The following C19orf38 variants were observed in gnomAD, a reference collection of about 807,000 sequenced individuals.
C19orf38 encodes chromosome 19 open reading frame 38.
Under a neutral mutation model 26.6 loss-of-function variants are expected in C19orf38, and 14 were observed. The ratio of observed to expected loss-of-function variants is 0.53; its 90% CI spans 0.35 to 0.82. The LOEUF is 0.82. Among genes scored for constraint, C19orf38 ranks in the 40% least tolerant of loss-of-function variants. C19orf38 has a pLI of 0.01. For missense variants in C19orf38, 261 were observed against 299.5 expected (o/e 0.87, Z 0.95); for synonymous variants, 132 against 128.5 (o/e 1.03, Z -0.18).
chr19:10,859,365 TATATATATATATATATA>T (rs1568337590), intron 4 of C19orf38, among the ~76,000 whole-genome samples: 1 of 53,956 alleles, frequency 1.9e-5, no homozygotes, highest in African/African-American at 1.2e-4. Context: ...TATATATATA[TATATATATATATATATA>T]TATTTTTTTT....
chr19:10,863,078 C>T, intron 5 of C19orf38, 92 bp from the exon 6 acceptor site: 2 of 1,356,590 alleles, frequency 1.5e-6, no homozygotes, highest in Non-Finnish European at 2.1e-6. Flanking sequence ...CAATTGCTTC[C>T]CTGTGGGCTG....
intron 1 of C19orf38, 87 bp from the exon 2 acceptor site, chr19:10,850,172 G>A (rs2073554749): frequency 7.8e-7 from 1 of 1,279,136 alleles, no homozygotes. Flanking sequence ...AAGGCTGAGG[G>A]AGGGTGGTCT....
At chr19:10,840,937 G>T (rs1011649506) in intron 1 of C19orf38, among the ~76,000 whole-genome samples, 2 of 152,120 alleles carry the variant, frequency 1.3e-5, no homozygotes, top group African/African-American at 4.8e-5. Flanking sequence ...GACCGGCCCT[G>T]TTTTGTATTT....
At chr19:10,855,095 T>C (rs954559735) in intron 2 of C19orf38, among the ~76,000 whole-genome samples, 1 of 140,794 alleles carries the variant, frequency 7.1e-6, no homozygotes, top group African/African-American at 2.6e-5. Flanking sequence ...TGGAAGGCAA[T>C]GGCCCAATCT....
At chr19:10,851,974 C>CA (rs903489432) in intron 2 of C19orf38, among the ~76,000 whole-genome samples, 1,267 of 48,212 alleles carry the variant, frequency 0.026, 33 homozygotes, top group African/African-American at 0.068. Context: ...GACTCCGTCT[C>CA]AAAAAAAAAA....
chr19:10,850,576 C>A lies in C19orf38; in HGVS notation c.340+9C>A, dbSNP rs947720518. 2.0e-5 allele frequency: 31 copies of A among 1,551,074 alleles called. No individual in the cohort carries two copies. The African/African-American group carries it at 3.8e-4, about 19-fold the overall frequency. On this transcript the variant is annotated intron_variant, in intron 2 of 6. Coordinates refer to ENST00000397820, the MANE Select transcript of C19orf38 (RefSeq NM_001136482.3). ...GAACGTCTCCTTCCCAGGTAAGGCC[C>A]TTCTATGGGATCTCACTGCCGGGGG...
At position 10,841,740 on chromosome 19, in the gene C19orf38, A is replaced by G. The variant is rs911980750; in HGVS notation, c.-69+4970A>G. The G allele has an allele frequency of 2.2e-5, 15 of 685,994 alleles. No homozygotes were observed. The African/African-American group carries it at 2.5e-4, about 11-fold the overall frequency. 42.5% of individuals were successfully genotyped at this position (685,994 alleles called of 1,614,324 possible). ...GTAATCCCAGCATTTTGGGCGGCCA[A>G]GTTGGGAGGATCTCTTGAGCCCAGG... is the stretch of plus-strand genomic sequence containing the variant. On this transcript the variant is annotated intron_variant, in intron 1 of 7. Coordinates refer to the C19orf38 transcript ENST00000592854.
upstream of C19orf38, among the ~76,000 whole-genome samples, chr19:10,845,876 C>CAA (rs967662038): frequency 2.1e-4 from 15 of 72,518 alleles, no homozygotes; most frequent in African/African-American, 4.3e-4. Context: ...AAGACTCCGT[C>CAA]AAAAAAAAAA....
At chr19:10,844,601 A>G (rs2073502381), upstream of C19orf38, among the ~76,000 whole-genome samples, 2 of 151,938 alleles carry the variant, frequency 1.3e-5, no homozygotes, top group African/African-American at 2.4e-5. Flanking sequence ...TAATCCCAGC[A>G]CTTTGGGAGG....
chr19:10,841,210 G>C (rs566113819), intron 1 of C19orf38, among the ~76,000 whole-genome samples: 3 of 152,280 alleles, frequency 2.0e-5, no homozygotes, highest in African/African-American at 7.2e-5. Context: ...CCTCATGCTT[G>C]TAATCCCAGC....
chr19:10,840,110 A>G (rs573760727), intron 1 of C19orf38, among the ~76,000 whole-genome samples: 1 of 152,234 alleles, frequency 6.6e-6, no homozygotes, highest in East Asian at 1.9e-4. Context: ...GTTAACATGT[A>G]TGTATGTGTA....
intron 1 of C19orf38, among the ~76,000 whole-genome samples, chr19:10,838,640 G>T (rs116098853): frequency 7.2e-5 from 11 of 152,164 alleles, no homozygotes; most frequent in Admixed American, 2.0e-4. Flanking sequence ...AAAGAATGAG[G>T]TTGAGAACGA....
At position 10,836,932 on chromosome 19, in the gene C19orf38, A is replaced by G. The variant is rs546212127; in HGVS notation, c.-69+162A>G. Among the ~76,000 whole-genome samples, 231 of 152,294 alleles carry G rather than the reference A, an allele frequency of 1.5e-3. 1 individual carries two copies. Among genetic ancestry groups the G allele is most frequent in the Non-Finnish European group, 1.1e-3 (72 of 68,012 alleles). On this transcript the variant is annotated intron_variant, in intron 1 of 7. Transcript: ENST00000592854. The stretch of plus-strand genomic sequence containing the variant: ...TCTCAGACTCAAGGGCCAGCAGGTA[A>G]ATAGAGCCATTACAGTAGCCTCGGG...
At chr19:10,866,347 T>G (rs1360167472) in intron 6 of C19orf38, among the ~76,000 whole-genome samples, 1 of 149,514 alleles carries the variant, frequency 6.7e-6, no homozygotes, top group African/African-American at 2.5e-5. Flanking sequence ...AGCGCCAGCA[T>G]GCCCAGCTAA....
intron 4 of C19orf38, 147 bp downstream of exon 4, chr19:10,858,490 T>A: frequency 1.3e-6 from 1 of 749,134 alleles, no homozygotes; most frequent in Non-Finnish European, 2.2e-6. Flanking sequence ...ATTAAGTGCC[T>A]CCTGTGTGCT....
chr19:10,842,096 C>G (rs967316159), intron 1 of C19orf38: 1 of 1,585,486 alleles, frequency 6.3e-7, no homozygotes, highest in African/African-American at 1.3e-5. Context: ...AGCAGACTCC[C>G]GTAGGTAATG....
chr19:10,858,362 AC>A lies in C19orf38; in HGVS notation c.461+22del. ...AGAAAAGGTGAGATCATCCCTGGAG[AC>A]CCACAGAGGGTGGTTTGGGGAAAGA... On this transcript the variant is annotated intron_variant, in intron 4 of 6. Coordinates refer to ENST00000397820, the MANE Select transcript of C19orf38 (RefSeq NM_001136482.3). 1 of 1,544,682 alleles carries A rather than the reference AC, an allele frequency of 6.5e-7. No individual in the cohort carries two copies. The highest frequency in any genetic ancestry group is 8.8e-7 in the Non-Finnish European group (1 of 1,142,708).
intron 6 of C19orf38, 48 bp downstream of exon 6, chr19:10,863,255 C>T (rs753374323): frequency 4.9e-5 from 75 of 1,534,638 alleles, no homozygotes; most frequent in Middle Eastern, 1.7e-4. Context: ...ACCGTCCTAC[C>T]GGGAGAACGG....
chr19:10,849,987 A>C (rs2073552822), intron 1 of C19orf38, among the ~76,000 whole-genome samples: 1 of 144,438 alleles, frequency 6.9e-6, no homozygotes. Flanking sequence ...TGAACCCGGG[A>C]GGTGGAGGCT....
Sources: gnomAD v4.1 joint callset for allele counts (sites outside exome capture counted in the v4.1 genomes callset) on GRCh38, gnomAD v4.1.1 for gene constraint, MANE v1.5 for transcripts, NCBI Gene and HGNC (gene_info 2026-07-23, HGNC 2026-07-21) for gene names.